The following FRAS1 variants were observed in gnomAD, a reference collection of about 807,000 sequenced individuals.
FRAS1 encodes Fraser extracellular matrix complex subunit 1, also known as extracellular matrix organizing protein FRAS1.
FRAS1 carries 290 observed loss-of-function variants against 435.2 expected under a neutral mutation model. The ratio of observed to expected loss-of-function variants is 0.67; its 90% confidence interval spans 0.61 to 0.73. The LOEUF is 0.73. Among genes scored for constraint, FRAS1 ranks in the 30% least tolerant of loss-of-function variants. FRAS1 has a pLI of 0.00. For missense variants in FRAS1, 4,860 were observed against 5,001.5 expected (o/e 0.97, Z 0.85); for synonymous variants, 1,800 against 1,851.0 (o/e 0.97, Z 0.71).
intron 2 of FRAS1, among the ~76,000 whole-genome samples, chr4:78,155,421 T>C (rs957008367): frequency 6.6e-6 from 1 of 152,158 alleles, no homozygotes; most frequent in South Asian, 2.1e-4. Context: ...CCAAAAATAA[T>C]GTAAATAGTG....
chr4:78,388,160 C>G (rs928469662), intron 29 of FRAS1, among the ~76,000 whole-genome samples: 28 of 151,828 alleles, frequency 1.8e-4, no homozygotes, highest in African/African-American at 6.3e-4. Context: ...CCCGTCTCTA[C>G]TGAAAATACA....
At chr4:78,492,058 A>G (rs1720367623) in intron 59 of FRAS1, among the ~76,000 whole-genome samples, 1 of 152,208 alleles carries the variant, frequency 6.6e-6, no homozygotes, top group Admixed American at 6.5e-5. Context: ...AATTGCTACA[A>G]AGAGAATAAA....
intron 2 of FRAS1, among the ~76,000 whole-genome samples, chr4:78,188,319 A>ATCT (rs200494366): frequency 0.22 from 1,342 of 6,186 alleles, 16 homozygotes; most frequent in Middle Eastern, 0.5. Flanking sequence ...CTATCTATCT[A>ATCT]ATCTATCTAT....
chr4:78,482,646 G>A (rs1200741695), intron 58 of FRAS1, 111 bp downstream of exon 58: 2 of 1,133,092 alleles, frequency 1.8e-6, no homozygotes, highest in Admixed American at 2.2e-5. Context: ...AGAAATATGT[G>A]TGTGTAGATG....
intron 2 of FRAS1, among the ~76,000 whole-genome samples, chr4:78,178,853 C>T (rs17420789): frequency 0.43 from 65,283 of 151,978 alleles, 14,974 homozygotes; most frequent in African/African-American, 0.6. Context: ...TTTTGGGCTT[C>T]AAATAGGATA....
rs142248392 is a variant in FRAS1, at chr4:78,361,656, A to G, written c.2423-1857A>G. On this transcript the variant is annotated intron_variant, in intron 20 of 73. Coordinates refer to ENST00000512123, the MANE Select transcript of FRAS1 (RefSeq NM_025074.7). ...CAACAGTTAGGATCACCAACAGTGT[A>G]CAGAGAAAGACCTGTTTTTAACAGA... Among the ~76,000 whole-genome samples, 270 of 152,330 alleles carry G rather than the reference A, an allele frequency of 1.8e-3. 2 individuals carry two copies. The Middle Eastern group carries it at 0.02, about 12-fold the overall frequency.
Position 78,126,357 on chromosome 4 carries a change from TG to T in FRAS1, c.108+60344del, listed in dbSNP as rs761026427. The stretch of plus-strand genomic sequence containing the variant: ...AAATCCCCTGACCCCTTGCAGTTCC[TG>T]GGTGAGGCAACACCCCACCCTGCAT... On this transcript the variant is annotated intron_variant, in intron 2 of 73. Transcript: ENST00000512123. Among the ~76,000 whole-genome samples, 58 of 152,352 alleles carry T rather than the reference TG, an allele frequency of 3.8e-4. 1 individual carries two copies. The highest frequency in any genetic ancestry group is 2.3e-3 in the South Asian group (11 of 4,830).
At chr4:78,285,221 G>C (rs1376867312) in intron 13 of FRAS1, among the ~76,000 whole-genome samples, 1 of 151,748 alleles carries the variant, frequency 6.6e-6, no homozygotes, top group Non-Finnish European at 1.5e-5. Flanking sequence ...TTAGCCAGGT[G>C]TGGTGGCGCA....
chr4:78,192,916 A>C (rs1352726258), intron 2 of FRAS1, among the ~76,000 whole-genome samples: 1 of 152,240 alleles, frequency 6.6e-6, no homozygotes, highest in African/African-American at 2.4e-5. Context: ...ATTTGGTACT[A>C]TAAATTTCCC....
chr4:78,424,341 TG>T, intron 34 of FRAS1, 46 bp from the exon 35 acceptor site: 1 of 1,093,730 alleles, frequency 9.1e-7, no homozygotes, highest in East Asian at 2.9e-5. Context: ...TATCTCTCTC[TG>T]ATCCCAAAGT....
Position 78,326,130 on chromosome 4 carries a change from T to C in FRAS1, c.2138-7142T>C, listed in dbSNP as rs537634274. On this transcript the variant is annotated intron_variant, in intron 18 of 73. Coordinates refer to ENST00000512123, the MANE Select transcript of FRAS1 (RefSeq NM_025074.7). ...AAAGATTTTAAGTAGGGAAAAAATTTGGTCAATTCACATTTTATAAAGATC... is the reference window on the plus strand; with the variant it reads ...AAAGATTTTAAGTAGGGAAAAAATTCGGTCAATTCACATTTTATAAAGATC... 1.2e-4 allele frequency among the ~76,000 whole-genome samples: 14 copies of C among 121,594 alleles called. No individual in the cohort carries two copies. The South Asian group carries it at 2.7e-3, about 24-fold the overall frequency. The allele number at this position is 121,594 out of a possible 152,430, so 79.8% of individuals were successfully genotyped here.
At chr4:78,345,091 A>G (rs1376188365) in intron 20 of FRAS1, among the ~76,000 whole-genome samples, 1 of 152,230 alleles carries the variant, frequency 6.6e-6, no homozygotes, top group Non-Finnish European at 1.5e-5. Flanking sequence ...CTGGGCCGTT[A>G]AAAGCAGGAG....
chr4:78,432,074 T>C (rs1014013388), intron 37 of FRAS1, among the ~76,000 whole-genome samples: 1 of 152,164 alleles, frequency 6.6e-6, no homozygotes, highest in Non-Finnish European at 1.5e-5. Context: ...AGATTTTAGC[T>C]CAATATGATT....
intron 14 of FRAS1, among the ~76,000 whole-genome samples, chr4:78,298,241 A>G (rs1728239809): frequency 6.7e-6 from 1 of 149,742 alleles, no homozygotes; most frequent in African/African-American, 2.4e-5. Flanking sequence ...ACATAAATGT[A>G]TATTATTAAA....
At chr4:78,502,285 A>AGC (rs1246570641) in intron 61 of FRAS1, among the ~76,000 whole-genome samples, 4 of 152,158 alleles carry the variant, frequency 2.6e-5, no homozygotes, top group African/African-American at 4.8e-5. Context: ...TCGGGATGGC[A>AGC]TTGTATCTAT....
intron 2 of FRAS1, among the ~76,000 whole-genome samples, chr4:78,193,884 T>G (rs533210911): frequency 5.5e-4 from 84 of 152,356 alleles, no homozygotes; most frequent in African/African-American, 2.0e-3. Flanking sequence ...CTTTACAATT[T>G]GGCATGTTTT....
chr4:78,489,968 C>CAAAAA (rs61568957), intron 59 of FRAS1, among the ~76,000 whole-genome samples: 16,281 of 91,994 alleles, frequency 0.18, 2,401 homozygotes, highest in East Asian at 0.48. Context: ...TAGTGGAAAA[C>CAAAAA]AAAAAAAAAA....
chr4:78,196,107 A>G (rs1370939785), intron 2 of FRAS1, among the ~76,000 whole-genome samples: 1 of 152,134 alleles, frequency 6.6e-6, no homozygotes, highest in African/African-American at 2.4e-5. Context: ...TCCCGGGTTC[A>G]TGCCATTCTC....
intron 20 of FRAS1, among the ~76,000 whole-genome samples, chr4:78,344,331 A>G (rs1331980081): frequency 1.3e-5 from 2 of 152,226 alleles, no homozygotes; most frequent in East Asian, 1.9e-4. Flanking sequence ...AACATTCGCA[A>G]TGATCCTCGA....
Sources: allele counts gnomAD v4.1 joint callset (sites outside exome capture counted in the v4.1 genomes callset), GRCh38; gene constraint gnomAD v4.1.1; transcripts MANE v1.5; gene names NCBI Gene and HGNC (gene_info 2026-07-23, HGNC 2026-07-21).